SPRED2: variants seen among roughly 807,000 people sequenced by gnomAD.
SPRED2 encodes the protein sprouty related EVH1 domain containing 2, also known as sprouty-related, EVH1 domain-containing protein 2.
Under a neutral mutation model 43.0 loss-of-function variants are expected in SPRED2, and 47 were observed. The observed-to-expected ratio is 1.09, with a 90% CI of 0.87 to 1.40. The LOEUF (loss-of-function observed/expected upper bound fraction) is 1.40. Among genes scored for constraint, SPRED2 ranks in the 40% most tolerant of loss-of-function variants. SPRED2 has a pLI of 0.00. For missense variants in SPRED2, 561 were observed against 586.4 expected (o/e 0.96, Z 0.45); for synonymous variants, 225 against 225.7 (o/e 1.00, Z 0.03).
chr2:65,335,136 C>A (rs371755953), intron 2 of SPRED2, among the ~76,000 whole-genome samples: 2 of 152,252 alleles, frequency 1.3e-5, no homozygotes, highest in African/African-American at 4.8e-5. Context: ...AGCTTCCCTC[C>A]CCCGAGGCTC....
chr2:65,427,078 T>G (rs1381533330), intron 1 of SPRED2, among the ~76,000 whole-genome samples: 1 of 151,976 alleles, frequency 6.6e-6, no homozygotes, highest in African/African-American at 2.4e-5. Flanking sequence ...CTTTTAAGAT[T>G]TTTTTTTCCT....
At chr2:65,400,727 C>T (rs981648998) in intron 1 of SPRED2, among the ~76,000 whole-genome samples, 18 of 152,174 alleles carry the variant, frequency 1.2e-4, no homozygotes, top group Admixed American at 4.6e-4. Flanking sequence ...ATGGAAGGTC[C>T]TTTCACGTCC....
rs1673049511 is a variant in SPRED2 at position 65,310,883 on chromosome 2, A to G, written c.*2618T>C. 2.0e-6 allele frequency: 2 copies of G among 985,720 alleles called. No homozygotes were observed. The highest frequency in any genetic ancestry group is 2.4e-6 in the Non-Finnish European group (2 of 829,804). The allele number at this position is 985,720 out of a possible 1,614,324, so 61.1% of individuals were successfully genotyped here. On this transcript the variant is annotated 3_prime_UTR_variant, in exon 6 of 6. Coordinates refer to ENST00000356388, the MANE Select transcript of SPRED2 (RefSeq NM_181784.3). The stretch of plus-strand genomic sequence containing the variant: ...GGATGTGTTTATATTTACACGGTAC[A>G]TTTTAAAGCAATGGCTACATTGGTC...
intron 1 of SPRED2, among the ~76,000 whole-genome samples, chr2:65,415,758 CTT>C (rs1381734792): frequency 6.6e-6 from 1 of 151,816 alleles, no homozygotes; most frequent in African/African-American, 2.4e-5. Flanking sequence ...CAAAGCGACT[CTT>C]TGGATCAACA....
chr2:65,336,135 A>C (rs1157833935), intron 2 of SPRED2, among the ~76,000 whole-genome samples: 2 of 152,180 alleles, frequency 1.3e-5, no homozygotes, highest in Non-Finnish European at 2.9e-5. Flanking sequence ...CAAGAGGATC[A>C]CTTGAGCCCA....
At chr2:65,345,186 T>C (rs1674314005) in intron 1 of SPRED2, among the ~76,000 whole-genome samples, 1 of 151,792 alleles carries the variant, frequency 6.6e-6, no homozygotes, top group African/African-American at 2.4e-5. Context: ...TAAGTACTGA[T>C]AAATGAATTG....
chr2:65,411,490 G>GCAT (rs2103764013), intron 1 of SPRED2, among the ~76,000 whole-genome samples: 1 of 152,318 alleles, frequency 6.6e-6, no homozygotes, highest in East Asian at 1.9e-4. Flanking sequence ...GGCCACACAT[G>GCAT]CATAGGTTGT....
chr2:65,339,801 T>C (rs984247218), intron 2 of SPRED2, among the ~76,000 whole-genome samples: 4 of 151,718 alleles, frequency 2.6e-5, no homozygotes, highest in African/African-American at 4.8e-5. Context: ...GAAAGGTCCA[T>C]TGATAGATTT....
chr2:65,365,905 G>A (rs758445580), intron 1 of SPRED2, among the ~76,000 whole-genome samples: 1 of 152,046 alleles, frequency 6.6e-6, no homozygotes, highest in Non-Finnish European at 1.5e-5. Context: ...TCCCAATTAT[G>A]CAGAATGATC....
At chr2:65,355,901 A>G (rs952953068) in intron 1 of SPRED2, among the ~76,000 whole-genome samples, 1 of 152,160 alleles carries the variant, frequency 6.6e-6, no homozygotes, top group Admixed American at 6.5e-5. Flanking sequence ...CCTTCCAAAA[A>G]TGGTATTTGT....
chr2:65,398,962 T>C (rs1675818233), intron 1 of SPRED2, among the ~76,000 whole-genome samples: 1 of 152,198 alleles, frequency 6.6e-6, no homozygotes, highest in African/African-American at 2.4e-5. Flanking sequence ...CCCAAATGCC[T>C]ATCAACCAAC....
At chr2:65,388,937 A>G (rs1379249730) in intron 1 of SPRED2, among the ~76,000 whole-genome samples, 2 of 152,296 alleles carry the variant, frequency 1.3e-5, no homozygotes, top group Non-Finnish European at 2.9e-5. Context: ...AATTCAGCCA[A>G]TATCCACAGA....
chr2:65,429,947 A>T (rs2103823329), intron 1 of SPRED2, among the ~76,000 whole-genome samples: 1 of 152,342 alleles, frequency 6.6e-6, no homozygotes, highest in Middle Eastern at 3.4e-3. Flanking sequence ...TTTGGATAGC[A>T]GATGGAGAAA....
At chr2:65,307,761 A>G (rs543897690), downstream of SPRED2, among the ~76,000 whole-genome samples, 1 of 152,244 alleles carries the variant, frequency 6.6e-6, no homozygotes, top group African/African-American at 2.4e-5. Context: ...CACAGTTACA[A>G]CTGGTATCTG....
downstream of SPRED2, among the ~76,000 whole-genome samples, chr2:65,309,027 G>A (rs551359186): frequency 6.6e-6 from 1 of 152,032 alleles, no homozygotes; most frequent in East Asian, 1.9e-4. Context: ...GTGGTGGCGG[G>A]TGCCTGTAAT....
At chr2:65,386,720 G>C (rs985230203) in intron 1 of SPRED2, among the ~76,000 whole-genome samples, 1 of 152,216 alleles carries the variant, frequency 6.6e-6, no homozygotes, top group African/African-American at 2.4e-5. Flanking sequence ...GAAATTTCAG[G>C]TTTGGGCTCT....
chr2:65,312,452 T>C lies in SPRED2; in HGVS notation c.*1049A>G, dbSNP rs1488577817. On this transcript the variant is annotated 3_prime_UTR_variant, in exon 6 of 6. Coordinates refer to ENST00000356388, the MANE Select transcript of SPRED2 (RefSeq NM_181784.3). ...CCCATTAATATAAAATAGCCAGGGG[T>C]TGGGGGGAAGAAGCTCCCTATGGTT... 38 of 985,254 alleles carry C rather than the reference T, an allele frequency of 3.9e-5. No individual in the cohort carries two copies. The highest frequency in any genetic ancestry group is 4.3e-5 in the Non-Finnish European group (36 of 829,918). 61.0% of individuals were successfully genotyped at this position (985,254 alleles called of 1,614,324 possible).
chr2:65,335,930 C>T (rs1026284916), intron 2 of SPRED2, among the ~76,000 whole-genome samples: 5 of 152,168 alleles, frequency 3.3e-5, no homozygotes, highest in East Asian at 1.9e-4. Context: ...TGGCAAAGAT[C>T]TGCATTTACC....
chr2:65,411,355 G>A (rs1454860290), intron 1 of SPRED2, among the ~76,000 whole-genome samples: 1 of 152,086 alleles, frequency 6.6e-6, no homozygotes, highest in Non-Finnish European at 1.5e-5. Context: ...CGGTGGGAGG[G>A]CGATTGAATT....
Sources: allele counts gnomAD v4.1 joint callset (sites outside exome capture counted in the v4.1 genomes callset), GRCh38; gene constraint gnomAD v4.1.1; transcripts MANE v1.5; gene names NCBI Gene and HGNC (gene_info 2026-07-23, HGNC 2026-07-21).